The following ZNF827 variants were observed in gnomAD, a reference collection of about 807,000 sequenced individuals.
ZNF827 encodes the protein zinc finger protein 827.
Under a neutral mutation model 102.4 loss-of-function variants are expected in ZNF827, and 13 were observed. The ratio of observed to expected loss-of-function variants is 0.13; its 90% CI spans 0.08 to 0.20. ZNF827 has a LOEUF of 0.20. ZNF827 is among the 10% of genes least tolerant of loss of function. ZNF827 has a pLI of 1.00. For missense variants in ZNF827, 1,103 were observed against 1,344.4 expected, an observed-to-expected ratio of 0.82 and a Z score of 2.81; for synonymous variants, 523 against 536.2, an observed-to-expected ratio of 0.98 and a Z score of 0.34.
chr4:145,764,852 T>C (rs1308513317), intron 13 of ZNF827, 136 bp downstream of exon 13: 2 of 1,181,078 alleles, frequency 1.7e-6, no homozygotes, highest in East Asian at 2.4e-5. Flanking sequence ...GCAGCAGGGG[T>C]TCCTGACTAA....
intron 7 of ZNF827, among the ~76,000 whole-genome samples, chr4:145,824,572 A>G (rs558713495): frequency 1.3e-5 from 2 of 152,300 alleles, no homozygotes; most frequent in African/African-American, 4.8e-5. Flanking sequence ...CCGAAGCACC[A>G]GAGGAGATGC....
intron 5 of ZNF827, among the ~76,000 whole-genome samples, chr4:145,865,379 C>T (rs901269559): frequency 2.0e-5 from 3 of 152,176 alleles, no homozygotes; most frequent in African/African-American, 7.2e-5. Context: ...GCATTCTTCT[C>T]AGATGGATGA....
chr4:145,787,226 A>G (rs1738984624), intron 8 of ZNF827, among the ~76,000 whole-genome samples: 2 of 152,168 alleles, frequency 1.3e-5, no homozygotes, highest in African/African-American at 4.8e-5. Flanking sequence ...GCACTTTGGG[A>G]GGCCGAGGCG....
intron 4 of ZNF827, among the ~76,000 whole-genome samples, chr4:145,879,338 A>G (rs560593907): frequency 6.6e-6 from 1 of 152,332 alleles, no homozygotes; most frequent in South Asian, 2.1e-4. Context: ...GCTCACTGTA[A>G]GCACATTTGA....
chr4:145,760,743 T>G lies in ZNF827; in HGVS notation c.*873A>C. 1 of 1,030,698 alleles carries G rather than the reference T, an allele frequency of 9.7e-7. No individual in the cohort carries two copies. The highest frequency in any genetic ancestry group is 1.2e-6 in the Non-Finnish European group (1 of 852,554). 63.8% of individuals were successfully genotyped at this position (1,030,698 alleles called of 1,614,324 possible). A position where few individuals can be genotyped will look rare whatever the true frequency, so the allele number is the denominator to read the frequency against. On this transcript the variant is annotated 3_prime_UTR_variant, in exon 15 of 15. Coordinates refer to ENST00000508784, the MANE Select transcript of ZNF827 (RefSeq NM_001306215.2). ...TGGTTTTTTTTTTTTTTTTTGTCTT[T>G]TGTCTCTCTGTTTTTGGTACAGAAC...
chr4:145,794,576 A>G (rs1740176368), intron 8 of ZNF827, among the ~76,000 whole-genome samples: 1 of 151,138 alleles, frequency 6.6e-6, no homozygotes, highest in Admixed American at 6.6e-5. Context: ...AGTCCCAGCT[A>G]CTCAGAAAGC....
At chr4:145,882,370 G>A (rs186842333) in intron 4 of ZNF827, among the ~76,000 whole-genome samples, 16 of 152,294 alleles carry the variant, frequency 1.1e-4, no homozygotes, top group Admixed American at 7.8e-4. Flanking sequence ...CTGCGATGCC[G>A]GGCCTGGAAG....
At chr4:145,771,946 GA>G (rs1449574779) in intron 11 of ZNF827, among the ~76,000 whole-genome samples, 3 of 152,232 alleles carry the variant, frequency 2.0e-5, no homozygotes, top group Admixed American at 6.5e-5. Context: ...CTGCGCATCT[GA>G]AAATATAGGG....
intron 7 of ZNF827, chr4:145,835,038 CT>C (rs1486758403): frequency 6.6e-6 from 1 of 152,234 alleles, no homozygotes; most frequent in African/African-American, 2.4e-5. Context: ...AATCTGGCCA[CT>C]GGGCCAAGGA....
chr4:145,851,064 G>A (rs1746478420), intron 5 of ZNF827, among the ~76,000 whole-genome samples: 1 of 152,290 alleles, frequency 6.6e-6, no homozygotes, highest in East Asian at 1.9e-4. Flanking sequence ...AGACTGGAGT[G>A]ATGCAGCCAC....
intron 13 of ZNF827, among the ~76,000 whole-genome samples, chr4:145,764,018 T>C (rs1734905802): frequency 6.6e-6 from 1 of 152,172 alleles, no homozygotes; most frequent in Non-Finnish European, 1.5e-5. Context: ...ATCTCTCCCT[T>C]CCTCACCCAT....
At chr4:145,845,505 TATCCTTGGTGAC>T (rs1340409164) in intron 7 of ZNF827, among the ~76,000 whole-genome samples, 2 of 152,212 alleles carry the variant, frequency 1.3e-5, no homozygotes, top group African/African-American at 4.8e-5. Context: ...AAATTTGGGA[TATCCTTGGTGAC>T]AAATTATCAG....
At position 145,902,261 on chromosome 4, in the gene ZNF827, G is replaced by C. The variant is rs759748128; in HGVS notation, c.998C>G (p.Pro333Arg). ...KPEKVTPPPP[P>R]PPPPPPPPPP... is the part of the protein sequence containing the mutation. ...TGGTGGTGGAGGTGGTGGAGGTGGC[G>C]GTGGAGGTGGCGGAGTGACTTTTTC... The change falls in exon 2 of 15, where the codon CCG becomes CGG. Residue 333 changes from proline (P) to arginine (R), a missense_variant. Coordinates refer to ENST00000508784, the MANE Select transcript of ZNF827 (RefSeq NM_001306215.2). The surrounding 1 kb of genome is among the most constrained non-coding windows in gnomAD (Gnocchi z 4.3). 6.3e-7 allele frequency: 1 copy of C among 1,594,670 alleles called. No homozygotes were observed. Among genetic ancestry groups the C allele is most frequent in the African/African-American group, 1.3e-5 (1 of 74,188 alleles).
At chr4:145,768,905 A>ATG (rs1735793210) in intron 11 of ZNF827, among the ~76,000 whole-genome samples, 1 of 34,486 alleles carries the variant, frequency 2.9e-5, no homozygotes, top group Non-Finnish European at 7.0e-5. Context: ...ATATATATAT[A>ATG]TATATATATA....
At chr4:145,900,220 A>C (rs978593499) in intron 2 of ZNF827, among the ~76,000 whole-genome samples, 1 of 152,194 alleles carries the variant, frequency 6.6e-6, no homozygotes, top group African/African-American at 2.4e-5. Context: ...AAGCTGCTAC[A>C]GTCTGGGCTT....
intron 1 of ZNF827, among the ~76,000 whole-genome samples, chr4:145,934,694 G>A (rs560681509): frequency 5.3e-5 from 8 of 152,304 alleles, no homozygotes; most frequent in African/African-American, 1.9e-4. Context: ...GCTGTGTAGT[G>A]GGAGGACTTT....
rs2126938164 is a variant in ZNF827 at position 145,774,594 on chromosome 4, C to T, written c.2772G>A (p.Gln924=). Residue 924 remains glutamine (Q), a synonymous_variant, in exon 11 of 15, where the codon CAG becomes CAA. Transcript: ENST00000508784. ...SHMSLHVDKE[Q]WMFSICCTAC... ...CAGTGCAGCAGATCGAAAACATCCA[C>T]TGCTCCTTGTCCACGTGGAGTGACA... is the stretch of plus-strand genomic sequence containing the variant. 1 of 1,613,692 alleles carries T rather than the reference C, an allele frequency of 6.2e-7. No homozygotes were observed. The highest frequency in any genetic ancestry group is 8.5e-7 in the Non-Finnish European group (1 of 1,179,858).
At chr4:145,797,612 A>T (rs543515450) in intron 8 of ZNF827, among the ~76,000 whole-genome samples, 2 of 152,266 alleles carry the variant, frequency 1.3e-5, no homozygotes, top group Middle Eastern at 6.8e-3. Context: ...CTCCCTTTCT[A>T]GTTCCTGCAT....
intron 8 of ZNF827, among the ~76,000 whole-genome samples, chr4:145,796,178 G>T (rs574322142): frequency 1.8e-4 from 28 of 152,310 alleles, no homozygotes; most frequent in Non-Finnish European, 2.9e-4. Context: ...ACGGAGGGAA[G>T]AAACTTTTAC....
Sources: allele counts gnomAD v4.1 joint callset (sites outside exome capture counted in the v4.1 genomes callset), GRCh38; gene constraint gnomAD v4.1.1; non-coding constraint Gnocchi (gnomAD v3.1); transcripts MANE v1.5; gene names NCBI Gene and HGNC (gene_info 2026-07-23, HGNC 2026-07-21).